The following CAPS2 variants were observed in gnomAD, a reference collection of about 807,000 sequenced individuals.
CAPS2 encodes the protein calcyphosin-2.
CAPS2 carries 98 observed loss-of-function variants against 86.5 expected under a neutral mutation model. The observed-to-expected ratio is 1.13, with a 90% CI of 0.96 to 1.34. The LOEUF (loss-of-function observed/expected upper bound fraction) is 1.34. CAPS2 is among the 40% of genes most tolerant of loss of function. The pLI, the probability that CAPS2 is intolerant of heterozygous loss-of-function variation, is 0.00. For missense variants in CAPS2, 729 were observed against 686.8 expected, an observed-to-expected ratio of 1.06 and a Z score of -0.69; for synonymous variants, 210 against 225.1, an observed-to-expected ratio of 0.93 and a Z score of 0.60.
chr12:75,290,663 C>T (rs1193935141), intron 13 of CAPS2, among the ~76,000 whole-genome samples: 4 of 152,164 alleles, frequency 2.6e-5, no homozygotes, highest in Non-Finnish European at 1.5e-5. Context: ...TGACTATAAT[C>T]CCAGCACTTT....
chr12:75,369,303 T>A (rs2044198604), intron 1 of CAPS2, among the ~76,000 whole-genome samples: 1 of 151,732 alleles, frequency 6.6e-6, no homozygotes. Context: ...TTATCATTTT[T>A]ACTCATCTTA....
At chr12:75,340,341 A>G (rs113776347) in intron 1 of CAPS2, among the ~76,000 whole-genome samples, 1,621 of 151,944 alleles carry the variant, frequency 0.011, 20 homozygotes, top group African/African-American at 0.032. Context: ...AAAGTAATTC[A>G]GGGGAGCAAG....
intron 7 of CAPS2, chr12:75,305,443 G>C: frequency 2.0e-6 from 1 of 511,730 alleles, no homozygotes; most frequent in Non-Finnish European, 3.7e-6. Flanking sequence ...AGAGGGCACA[G>C]ACCGGTTGGA....
exon 6 of CAPS2, chr12:75,316,331 C>T (rs1003348242): frequency 2.6e-6 from 4 of 1,550,766 alleles, no homozygotes; most frequent in African/African-American, 2.7e-5. Context: ...TTTTCTTGCC[C>T]TCTGTTGTTT....
intron 1 of CAPS2, among the ~76,000 whole-genome samples, chr12:75,383,052 C>T (rs1348021123): frequency 6.6e-6 from 1 of 152,128 alleles, no homozygotes; most frequent in East Asian, 1.9e-4. Flanking sequence ...CCATTCAAAC[C>T]TTATTAGAAA....
chr12:75,287,703 A>G (rs1169808999), intron 14 of CAPS2, among the ~76,000 whole-genome samples: 1 of 152,146 alleles, frequency 6.6e-6, no homozygotes, highest in Admixed American at 6.6e-5. Flanking sequence ...TCATCTCTTC[A>G]TCTGTATCCT....
At chr12:75,362,245 T>C (rs978334502) in intron 1 of CAPS2, among the ~76,000 whole-genome samples, 1 of 152,074 alleles carries the variant, frequency 6.6e-6, no homozygotes, top group African/African-American at 2.4e-5. Flanking sequence ...AGGTAACAAA[T>C]ACACACATTA....
intron 1 of CAPS2, among the ~76,000 whole-genome samples, chr12:75,355,655 C>A (rs2043108112): frequency 6.6e-6 from 1 of 152,076 alleles, no homozygotes; most frequent in Admixed American, 6.5e-5. Context: ...ATAAATTATT[C>A]TATTACAAAG....
intron 1 of CAPS2, among the ~76,000 whole-genome samples, chr12:75,382,663 T>A (rs2045066332): frequency 1.3e-5 from 2 of 151,878 alleles, no homozygotes; most frequent in Non-Finnish European, 2.9e-5. Context: ...AGAAGAATTT[T>A]AAAAAATAAT....
intron 8 of CAPS2, among the ~76,000 whole-genome samples, chr12:75,300,738 C>T (rs1210423663): frequency 6.6e-6 from 1 of 151,898 alleles, no homozygotes; most frequent in Non-Finnish European, 1.5e-5. Context: ...CTAGGAGCCA[C>T]TATAGCCACC....
At chr12:75,305,851 G>C in intron 7 of CAPS2, 1 of 757,086 alleles carries the variant, frequency 1.3e-6, no homozygotes. Context: ...TCCTCGCCCA[G>C]GTGTTCGGGA....
intron 16 of CAPS2, among the ~76,000 whole-genome samples, chr12:75,281,580 C>T (rs2033952375): frequency 6.6e-6 from 1 of 151,824 alleles, no homozygotes; most frequent in African/African-American, 2.4e-5. Context: ...ATAGCATGCA[C>T]ATAGCCATGA....
intron 7 of CAPS2, chr12:75,306,413 A>C: frequency 3.0e-6 from 1 of 331,106 alleles, no homozygotes; most frequent in Non-Finnish European, 5.9e-6. Flanking sequence ...GGCCTGTGGA[A>C]GGGTGGGGGT....
chr12:75,283,910 A>T (rs2034423284), intron 15 of CAPS2, among the ~76,000 whole-genome samples: 1 of 152,218 alleles, frequency 6.6e-6, no homozygotes. Flanking sequence ...CAAGCCAAGG[A>T]GAGAGGCCTC....
intron 1 of CAPS2, chr12:75,343,953 T>A: frequency 6.3e-7 from 1 of 1,580,712 alleles, no homozygotes; most frequent in Non-Finnish European, 8.6e-7. Context: ...ATATTTGACA[T>A]CTTTATTGAT....
At chr12:75,306,869 C>T (rs952335795) in intron 7 of CAPS2, among the ~76,000 whole-genome samples, 3 of 152,056 alleles carry the variant, frequency 2.0e-5, no homozygotes, top group African/African-American at 7.2e-5. Flanking sequence ...CTTTACTAAA[C>T]ACATTTTCAA....
chr12:75,329,600 T>C (rs1051594637), upstream of CAPS2, among the ~76,000 whole-genome samples: 10 of 151,162 alleles, frequency 6.6e-5, no homozygotes, highest in Non-Finnish European at 1.3e-4. Context: ...AAGCAAAAAA[T>C]AAACTGATTT....
At chr12:75,299,726 T>C in intron 9 of CAPS2, 111 bp downstream of exon 9, 3 of 478,022 alleles carry the variant, frequency 6.3e-6, no homozygotes, top group Non-Finnish European at 1.1e-5. Context: ...ATTCACGTAT[T>C]TTTATTTAAA....
upstream of CAPS2, chr12:75,334,328 T>C (rs1365621222): frequency 1.3e-5 from 3 of 223,206 alleles, no homozygotes; most frequent in African/African-American, 7.0e-5. Context: ...AAGAAACGAA[T>C]ATATAGTGCT....
Sources: allele counts gnomAD v4.1 joint callset (sites outside exome capture counted in the v4.1 genomes callset), GRCh38; gene constraint gnomAD v4.1.1; transcripts MANE v1.5; gene names NCBI Gene and HGNC (gene_info 2026-07-23, HGNC 2026-07-21).